The following ZSCAN5A variants were observed in gnomAD, a reference collection of about 807,000 sequenced individuals.
The protein encoded by ZSCAN5A is zinc finger and SCAN domain-containing protein 5A.
ZSCAN5A carries 12 observed loss-of-function variants against 23.7 expected under a neutral mutation model. That is an observed-to-expected ratio of 0.51 (90% CI 0.32 to 0.82). ZSCAN5A has a LOEUF of 0.82. ZSCAN5A is among the 40% of genes least tolerant of loss of function. The probability of loss-of-function intolerance (pLI) is 0.03; values close to 1 mark genes in which losing one functional copy is unlikely to be tolerated. For synonymous variants in ZSCAN5A, 257 were observed against 239.9 expected, an observed-to-expected ratio of 1.07 and a Z score of -0.66; for missense variants, 597 against 617.9, an observed-to-expected ratio of 0.97 and a Z score of 0.36.
In ZSCAN5A at chr19:56,227,951, G is replaced by C. The variant is rs111508092; in HGVS notation, c.-127-2778C>G. ...CATATGCCTGTAGTCCCAGCTACTC[G>C]GGAGGCGGAGGCGGGCGGATCGCTT... On this transcript the variant is annotated intron_variant, in intron 2 of 5. Coordinates refer to ENST00000683990, the MANE Select transcript of ZSCAN5A (RefSeq NM_001322064.3). Among the ~76,000 whole-genome samples, 588 of 151,940 alleles carry C rather than the reference G, an allele frequency of 3.9e-3. 4 individuals carry two copies. The highest frequency in any genetic ancestry group is 0.01 in the Middle Eastern group (3 of 294).
chr19:56,273,234 G>T (rs551816828), intron 2 of ZSCAN5A, among the ~76,000 whole-genome samples: 2 of 152,306 alleles, frequency 1.3e-5, no homozygotes, highest in African/African-American at 4.8e-5. Context: ...CAGTTCATGG[G>T]ACTGTTGCAT....
chr19:56,232,933 C>T (rs1403600125), intron 2 of ZSCAN5A, among the ~76,000 whole-genome samples: 1 of 152,146 alleles, frequency 6.6e-6, no homozygotes, highest in Admixed American at 6.5e-5. Context: ...CCACCAGCCT[C>T]AGCTTCTTAA....
chr19:56,265,374 T>C (rs1206695027), intron 2 of ZSCAN5A, among the ~76,000 whole-genome samples: 1 of 147,936 alleles, frequency 6.8e-6, no homozygotes, highest in African/African-American at 2.5e-5. Flanking sequence ...GCACCTATAC[T>C]CTATGTAAGT....
intron 2 of ZSCAN5A, among the ~76,000 whole-genome samples, chr19:56,266,981 G>C (rs2037522329): frequency 6.6e-6 from 1 of 152,070 alleles, no homozygotes; most frequent in Non-Finnish European, 1.5e-5. Flanking sequence ...CATCCACAAT[G>C]ATCTTCTTTC....
At chr19:56,316,671 T>G (rs2041319389), upstream of ZSCAN5A, 1 of 152,506 alleles carries the variant, frequency 6.6e-6, no homozygotes, top group Admixed American at 6.5e-5. Context: ...TATTCAGGTT[T>G]TGCCTCTGTA....
At chr19:56,222,364 G>C (rs180724163) in intron 5 of ZSCAN5A, 38 bp from the exon 6 acceptor site, 16 of 1,599,362 alleles carry the variant, frequency 1.0e-5, no homozygotes, top group Non-Finnish European at 6.0e-6. Flanking sequence ...TTAATAAAGC[G>C]CATTTTCAAT....
intron 2 of ZSCAN5A, among the ~76,000 whole-genome samples, chr19:56,271,079 A>G (rs2037814196): frequency 2.0e-5 from 3 of 152,356 alleles, no homozygotes; most frequent in South Asian, 4.1e-4. Context: ...CTGTGATTAT[A>G]TTTGATAAAG....
chr19:56,253,476 C>CA (rs2036494174), intron 2 of ZSCAN5A, among the ~76,000 whole-genome samples: 1 of 152,018 alleles, frequency 6.6e-6, no homozygotes, highest in Non-Finnish European at 1.5e-5. Context: ...TCCCGTGCAC[C>CA]AAATAAAGCA....
At chr19:56,320,358 C>A in intron 2 of ZSCAN5A, 1 of 352,174 alleles carries the variant, frequency 2.8e-6, no homozygotes, top group South Asian at 2.5e-5. Flanking sequence ...GAAACCCAAT[C>A]TCTACTAAAA....
chr19:56,361,576 G>A (rs1258324656), intron 2 of ZSCAN5A, among the ~76,000 whole-genome samples: 3 of 152,126 alleles, frequency 2.0e-5, no homozygotes, highest in Non-Finnish European at 4.4e-5. Context: ...GGAGCTGAAA[G>A]ACATTATCCT....
Position 56,225,129 on chromosome 19 carries a change from T to A in ZSCAN5A, c.-83A>T, listed in dbSNP as rs2033790981. The A allele has an allele frequency of 6.7e-7, 1 of 1,500,600 alleles. No individual in the cohort carries two copies. The highest frequency in any genetic ancestry group is 8.8e-7 in the Non-Finnish European group (1 of 1,133,730). 93.0% of individuals were successfully genotyped at this position (1,500,600 alleles called of 1,614,324 possible). A position where few individuals can be genotyped will look rare whatever the true frequency, so the allele number is the denominator to read the frequency against. On this transcript the variant is annotated 5_prime_UTR_variant, in exon 3 of 6. An upstream open reading frame in the 5' UTR gains an earlier in-frame stop. Transcript: ENST00000683990. ...TAATTGATACCTATCTACACAGGCT[T>A]CCTCTGGTTTTCCTCAGTAATAGAT...
intron 2 of ZSCAN5A, among the ~76,000 whole-genome samples, chr19:56,286,929 C>T (rs953108210): frequency 6.6e-6 from 1 of 152,252 alleles, no homozygotes; most frequent in Non-Finnish European, 1.5e-5. Flanking sequence ...ACACACCACC[C>T]AGGACAAGTC....
At chr19:56,226,198 C>T (rs1338369464) in intron 2 of ZSCAN5A, among the ~76,000 whole-genome samples, 1 of 152,094 alleles carries the variant, frequency 6.6e-6, no homozygotes, top group Non-Finnish European at 1.5e-5. Context: ...CACTGGTAGC[C>T]TGGAGGGCGA....
At chr19:56,346,627 G>A (rs2147454901) in intron 2 of ZSCAN5A, among the ~76,000 whole-genome samples, 1 of 152,200 alleles carries the variant, frequency 6.6e-6, no homozygotes, top group South Asian at 2.1e-4. Context: ...TACCCCATTA[G>A]CTCAGGGGGA....
intron 2 of ZSCAN5A, among the ~76,000 whole-genome samples, chr19:56,284,472 G>C (rs924738846): frequency 2.8e-5 from 2 of 71,824 alleles, no homozygotes; most frequent in African/African-American, 6.7e-5. Context: ...ACAGAGATAA[G>C]TAAACAGAAA....
chr19:56,282,584 G>A (rs960895035), intron 2 of ZSCAN5A: 6 of 840,728 alleles, frequency 7.1e-6, no homozygotes, highest in African/African-American at 3.7e-5. Context: ...TTCGACTTAC[G>A]TTTCTTCTCT....
At chr19:56,288,104 G>A (rs2039260638) in intron 2 of ZSCAN5A, among the ~76,000 whole-genome samples, 1 of 152,178 alleles carries the variant, frequency 6.6e-6, no homozygotes, top group Non-Finnish European at 1.5e-5. Flanking sequence ...AGGGAGCACA[G>A]GCCCAAATGG....
chr19:56,243,818 C>G (rs1280990008), intron 2 of ZSCAN5A, among the ~76,000 whole-genome samples: 1 of 151,610 alleles, frequency 6.6e-6, no homozygotes, highest in Non-Finnish European at 1.5e-5. Context: ...GTGCTGAATT[C>G]GATGCTGCTG....
At chr19:56,318,908 G>A (rs1393549462), upstream of ZSCAN5A, among the ~76,000 whole-genome samples, 1 of 152,146 alleles carries the variant, frequency 6.6e-6, no homozygotes, top group Non-Finnish European at 1.5e-5. Flanking sequence ...AAATAATCCA[G>A]CATTATCATT....
Sources: allele counts gnomAD v4.1 joint callset (sites outside exome capture counted in the v4.1 genomes callset), GRCh38; gene constraint gnomAD v4.1.1; transcripts MANE v1.5; gene names NCBI Gene and HGNC (gene_info 2026-07-23, HGNC 2026-07-21).